ZNF17: variants seen among roughly 807,000 people sequenced by gnomAD.
ZNF17 encodes the protein zinc finger protein 17 (HPF3, KOX 10).
Under a neutral mutation model 7.7 loss-of-function variants are expected in ZNF17, and 4 were observed. The observed-to-expected ratio is 0.52, with a 90% CI of 0.26 to 1.20. ZNF17 has a LOEUF of 1.20. ZNF17 is among the 50% of genes most tolerant of loss of function. The pLI is 0.14. For synonymous variants in ZNF17, 249 were observed against 258.8 expected (o/e 0.96, Z 0.36); for missense variants, 738 against 799.5 (o/e 0.92, Z 0.93).
At position 57,411,303 on chromosome 19, in the gene ZNF17, G is replaced by A. The variant is rs1411594677; in HGVS notation, c.-124G>A. On this transcript the variant is annotated 5_prime_UTR_variant, in exon 1 of 4. Coordinates refer to ENST00000307658, the MANE Select transcript of ZNF17 (RefSeq NM_001330617.2). ...GGCTAGAGTGAGGCTCGGTTGAATC[G>A]GTTGCAGGCGTTGGTGCCTCTGTCA... 4.5e-6 allele frequency: 7 copies of A among 1,550,028 alleles called. No individual in the cohort carries two copies. In the East Asian group the frequency reaches 1.4e-4, roughly 31 times the overall value.
In ZNF17 at chr19:57,419,956, A is replaced by C; in HGVS notation, c.470A>C (p.Asp157Ala). ...CTCACATGCATGCAGGGTGGCAAGG[A>C]TTTTACTGGTGATTCAGATCTTCAA... ...RNLTCMQGGK[D>A]FTGDSDLQQQ... Residue 157 changes from aspartate to alanine, a missense_variant, in exon 4 of 4, where the codon GAT becomes GCT. By Grantham distance (126) the Asp-to-Ala change is moderately radical (BLOSUM62 -2). Transcript: ENST00000307658. 1 of 1,614,184 alleles carries C rather than the reference A, an allele frequency of 6.2e-7. No homozygotes were observed. Among genetic ancestry groups the C allele is most frequent in the South Asian group, 1.1e-5 (1 of 91,086 alleles).
chr19:57,415,966 CAGTG>C (rs1333586563), intron 2 of ZNF17, among the ~76,000 whole-genome samples: 16 of 151,758 alleles, frequency 1.1e-4, no homozygotes, highest in Non-Finnish European at 2.1e-4. Context: ...TTGGGGAGGT[CAGTG>C]TATCTGGGCT....
chr19:57,421,180 T>G lies in ZNF17; in HGVS notation c.1694T>G (p.Phe565Cys), dbSNP rs1360905746. Residue 565 changes from phenylalanine (F) to cysteine (C), a missense_variant, in exon 4 of 4, where the codon TTT becomes TGT. By Grantham distance (205) the Phe-to-Cys change is radical. Transcript: ENST00000307658. ...GAGTGCACTGAGTGTGGGAGAGTTTTTAGCCAAAATTCCCACCTCATTCGG... is the reference window on the plus strand; with the variant it reads ...GAGTGCACTGAGTGTGGGAGAGTTTGTAGCCAAAATTCCCACCTCATTCGG... Reference protein sequence around the residue: ...SFECTECGRVFSQNSHLIRHQ... With the variant: ...SFECTECGRVCSQNSHLIRHQ... 6.2e-7 allele frequency: 1 copy of G among 1,614,170 alleles called. No homozygotes were observed. The highest frequency in any genetic ancestry group is 8.5e-7 in the Non-Finnish European group (1 of 1,180,030).
intron 1 of ZNF17, among the ~76,000 whole-genome samples, chr19:57,411,931 C>T (rs755380856): frequency 1.3e-4 from 20 of 152,090 alleles, no homozygotes; most frequent in Non-Finnish European, 2.8e-4. Context: ...AGTGAAGGGT[C>T]TATTCCATGG....
At chr19:57,415,227 G>A (rs1275530420) in intron 2 of ZNF17, among the ~76,000 whole-genome samples, 7 of 152,188 alleles carry the variant, frequency 4.6e-5, no homozygotes, top group Admixed American at 1.3e-4. Context: ...TGTACAGAGC[G>A]AGGAAGCTCG....
In ZNF17 at chr19:57,412,672, C is replaced by T. The variant is rs896532425; in HGVS notation, c.-20-924C>T. Reference sequence around the variant, plus strand: ...TGTTAGCTAGTATGGTCTCTATCTCCTGACCTCATGATCTGCACGCCTCAG... The same window carrying T: ...TGTTAGCTAGTATGGTCTCTATCTCTTGACCTCATGATCTGCACGCCTCAG... On this transcript the variant is annotated intron_variant, in intron 1 of 3. Transcript: ENST00000307658. 3.9e-5 allele frequency among the ~76,000 whole-genome samples: 6 copies of T among 152,012 alleles called. No individual in the cohort carries two copies. In the East Asian group the frequency reaches 1.2e-3, roughly 29 times the overall value.
chr19:57,413,735 C>T (rs1219655489), intron 2 of ZNF17, 99 bp downstream of exon 2: 40 of 1,442,432 alleles, frequency 2.8e-5, no homozygotes, highest in Non-Finnish European at 3.7e-5. Context: ...CTTTTCTTCT[C>T]TCTCCCTTGG....
chr19:57,417,042 G>A (rs952189283), intron 2 of ZNF17, among the ~76,000 whole-genome samples: 1 of 152,136 alleles, frequency 6.6e-6, no homozygotes, highest in Admixed American at 6.5e-5. Context: ...GTACCCACAG[G>A]ATTTCAATCT....
At position 57,420,762 on chromosome 19, in the gene ZNF17, A is replaced by T; in HGVS notation, c.1276A>T (p.Met426Leu). ...GTGTAGTGAATGTGGGAAGTTCTTTATGGACACTTCCACACTCATTATTCA... is the reference window on the plus strand; with the variant it reads ...GTGTAGTGAATGTGGGAAGTTCTTTTTGGACACTTCCACACTCATTATTCA... ...YECSECGKFF[M>L]DTSTLIIHQR... Residue 426 changes from methionine to leucine, a missense_variant, in exon 4 of 4, where the codon ATG (methionine) becomes TTG (leucine). Met to Leu is a conservative substitution (Grantham distance 15). This residue lies in a region of ZNF17 where 616 missense variants were observed against 663.9 expected (regional missense o/e 0.93). Transcript: ENST00000307658. The T allele has an allele frequency of 6.2e-7, 1 of 1,614,116 alleles. No individual in the cohort carries two copies. The highest frequency in any genetic ancestry group is 8.5e-7 in the Non-Finnish European group (1 of 1,180,018).
intron 3 of ZNF17, 87 bp from the exon 4 acceptor site, chr19:57,419,548 T>C (rs1037951748): frequency 1.5e-5 from 21 of 1,404,744 alleles, no homozygotes; most frequent in Middle Eastern, 1.9e-4. Flanking sequence ...CATGGTCTTA[T>C]TTGTGAGTTG....
intron 2 of ZNF17, among the ~76,000 whole-genome samples, chr19:57,414,749 C>T (rs747189940): frequency 6.7e-5 from 10 of 149,572 alleles, no homozygotes; most frequent in Non-Finnish European, 1.3e-4. Flanking sequence ...CTCCCTCTGT[C>T]GCCCAGGCCA....
Position 57,420,467 on chromosome 19 carries a change from T to C in ZNF17, c.981T>C (p.Thr327=), listed in dbSNP as rs781404505. 1.2e-6 allele frequency: 2 copies of C among 1,614,086 alleles called. No individual in the cohort carries two copies. The highest frequency in any genetic ancestry group is 2.2e-5 in the South Asian group (2 of 91,090). The change falls in exon 4 of 4, where the codon ACT becomes ACC. Residue 327 remains threonine, a synonymous_variant. Coordinates refer to ENST00000307658, the MANE Select transcript of ZNF17 (RefSeq NM_001330617.2). ...AHLVGHQKIH[T]GERPYGCNEC... is the part of the protein sequence containing the mutation. ...TTGTTGGTCACCAGAAAATTCATAC[T>C]GGAGAACGGCCTTATGGATGCAATG... is the stretch of plus-strand genomic sequence containing the variant.
intron 1 of ZNF17, among the ~76,000 whole-genome samples, chr19:57,412,483 C>T (rs960688366): frequency 1.9e-4 from 29 of 150,330 alleles, no homozygotes; most frequent in Non-Finnish European, 4.1e-4. Flanking sequence ...CTCGCTCCAT[C>T]GCCCAGGTTG....
Position 57,419,983 on chromosome 19 carries a change from A to C in ZNF17, c.497A>C (p.Gln166Pro), listed in dbSNP as rs1251727395. Residue 166 changes from glutamine to proline, a missense_variant, in exon 4 of 4, where the codon CAA becomes CCA. Gln to Pro is a moderately conservative substitution (Grantham distance 76). Transcript: ENST00000307658. ...TTTACTGGTGATTCAGATCTTCAACAACAGGCTCTTCACAGTGGGTGGAAG... is the reference window on the plus strand; with the variant it reads ...TTTACTGGTGATTCAGATCTTCAACCACAGGCTCTTCACAGTGGGTGGAAG... ...KDFTGDSDLQ[Q>P]QALHSGWKPH... 6.2e-7 allele frequency: 1 copy of C among 1,614,098 alleles called. No individual in the cohort carries two copies. The highest frequency in any genetic ancestry group is 8.5e-7 in the Non-Finnish European group (1 of 1,180,054).
In ZNF17 at chr19:57,421,583, A is replaced by T; in HGVS notation, c.*102A>T. The T allele has an allele frequency of 7.8e-7, 1 of 1,279,366 alleles. No individual in the cohort carries two copies. Among genetic ancestry groups the T allele is most frequent in the Non-Finnish European group, 1.1e-6 (1 of 934,472 alleles). 79.3% of individuals were successfully genotyped at this position (1,279,366 alleles called of 1,614,324 possible). A position where few individuals can be genotyped will look rare whatever the true frequency, so the allele number is the denominator to read the frequency against. On this transcript the variant is annotated 3_prime_UTR_variant, in exon 4 of 4. Coordinates refer to ENST00000307658, the MANE Select transcript of ZNF17 (RefSeq NM_001330617.2). ...TAAAAAAAGTATTCTTGTAGAATACAGATAACATAAAATCTAACATCTTAA... is the reference window on the plus strand; with the variant it reads ...TAAAAAAAGTATTCTTGTAGAATACTGATAACATAAAATCTAACATCTTAA...
At chr19:57,419,451 C>T in intron 3 of ZNF17, 184 bp from the exon 4 acceptor site, 1 of 615,540 alleles carries the variant, frequency 1.6e-6, no homozygotes, top group Non-Finnish European at 2.8e-6. Context: ...CATCAGGACT[C>T]TTTCGTTATG....
chr19:57,412,207 C>A (rs2088781705), intron 1 of ZNF17, among the ~76,000 whole-genome samples: 1 of 152,146 alleles, frequency 6.6e-6, no homozygotes, highest in South Asian at 2.1e-4. Flanking sequence ...GTTTAGATTT[C>A]TGCACCTGCA....
rs1399481530 is a variant in ZNF17, at chr19:57,420,627, G to A, written c.1141G>A (p.Val381Ile). The A allele has an allele frequency of 1.2e-6, 2 of 1,613,146 alleles. No homozygotes were observed. Among genetic ancestry groups the A allele is most frequent in the East Asian group, 2.2e-5 (1 of 44,794 alleles). The change falls in exon 4 of 4, where the codon GTT becomes ATT. Residue 381 changes from valine to isoleucine, a missense_variant. Transcript: ENST00000307658. The stretch of plus-strand genomic sequence containing the variant: ...CTGCACACTCATTATTCACCAGAGA[G>A]TTCATACTGGAGAAAAACCTTATGA... ...DSCTLIIHQR[V>I]HTGEKPYECN...
In ZNF17 at chr19:57,413,613, G is replaced by C. The variant is rs1381728901; in HGVS notation, c.-3G>C. On this transcript the variant is annotated 5_prime_UTR_variant, in exon 2 of 4. Coordinates refer to ENST00000307658, the MANE Select transcript of ZNF17 (RefSeq NM_001330617.2). ...TCCCACAGGGTTCATAGCAGTGGCA[G>C]CAATGCTTATGGATGCTGGACAGGT... is the stretch of plus-strand genomic sequence containing the variant. 2 of 1,535,982 alleles carry C rather than the reference G, an allele frequency of 1.3e-6. No individual in the cohort carries two copies. The highest frequency in any genetic ancestry group is 2.7e-5 in the African/African-American group (2 of 73,052).
Sources: gnomAD v4.1 joint callset for allele counts (sites outside exome capture counted in the v4.1 genomes callset) on GRCh38, gnomAD v4.1.1 for gene constraint, gnomAD v4.1.1 regional missense constraint, MANE v1.5 for transcripts, NCBI Gene and HGNC (gene_info 2026-07-23, HGNC 2026-07-21) for gene names.